The following GRIK1 variants were observed in gnomAD, a reference collection of about 807,000 sequenced individuals.
GRIK1 encodes the protein glutamate ionotropic receptor kainate type subunit 1.
A neutral mutation model predicts 105.7 loss-of-function variants in GRIK1; 69 were observed. The observed-to-expected ratio is 0.65, with a 90% CI of 0.54 to 0.80. GRIK1 has a LOEUF of 0.80. Among genes scored for constraint, GRIK1 ranks in the 30% least tolerant of loss-of-function variants. GRIK1 has a pLI of 0.00. For synonymous variants in GRIK1, 438 were observed against 431.3 expected (o/e 1.02, Z -0.19); for missense variants, 1,109 against 1,167.3 (o/e 0.95, Z 0.73).
intron 1 of GRIK1, among the ~76,000 whole-genome samples, chr21:29,754,906 G>T (rs777511931): frequency 6.6e-6 from 1 of 151,978 alleles, no homozygotes; most frequent in African/African-American, 2.4e-5. Context: ...GACTTATCTA[G>T]TCTCCACAGT....
rs555680418 is a variant in GRIK1 at position 29,791,227 on chromosome 21, T to A, written c.119-97164A>T. The stretch of plus-strand genomic sequence containing the variant: ...TAAGGGACGAGAAATTTATCCTCAG[T>A]GTGATGGAAAGCCAGACAAATCTGT... On this transcript the variant is annotated intron_variant, in intron 1 of 17. Coordinates refer to ENST00000327783, the MANE Select transcript of GRIK1 (RefSeq NM_001330994.2). Among the ~76,000 whole-genome samples the A allele has an allele frequency of 7.6e-4, 116 of 152,050 alleles. 1 individual carries two copies. In the Middle Eastern group the frequency reaches 0.01, roughly 13 times the overall value.
chr21:29,799,602 TC>T (rs1404032578), intron 1 of GRIK1, among the ~76,000 whole-genome samples: 1 of 152,244 alleles, frequency 6.6e-6, no homozygotes, highest in Non-Finnish European at 1.5e-5. Flanking sequence ...CAATCTTGCC[TC>T]AGTGCAACCT....
intron 1 of GRIK1, among the ~76,000 whole-genome samples, chr21:29,788,315 G>A (rs559963354): frequency 6.6e-6 from 1 of 152,298 alleles, no homozygotes; most frequent in Admixed American, 6.5e-5. Flanking sequence ...AAAGACATTT[G>A]CAGATACCCA....
chr21:29,679,442 C>G (rs2063331748), intron 3 of GRIK1, among the ~76,000 whole-genome samples: 1 of 152,090 alleles, frequency 6.6e-6, no homozygotes, highest in Admixed American at 6.6e-5. Flanking sequence ...TGTACTCATC[C>G]CGTCCTATCT....
chr21:29,663,493 G>T (rs1157227157), intron 4 of GRIK1, among the ~76,000 whole-genome samples: 1 of 152,128 alleles, frequency 6.6e-6, no homozygotes, highest in Non-Finnish European at 1.5e-5. Flanking sequence ...GACCTACCTT[G>T]ATCTCCTATT....
chr21:29,665,905 C>A (rs1472426722), intron 4 of GRIK1, among the ~76,000 whole-genome samples: 3 of 152,222 alleles, frequency 2.0e-5, no homozygotes, highest in East Asian at 1.9e-4. Context: ...AAAAAGAAAT[C>A]ATTCCAGTCA....
At chr21:29,761,494 TG>T (rs1569061295) in intron 1 of GRIK1, 1 of 152,166 alleles carries the variant, frequency 6.6e-6, no homozygotes, top group East Asian at 1.9e-4. Flanking sequence ...CGAATATTAC[TG>T]TATAACTTTC....
chr21:29,747,174 A>T (rs989204789), intron 1 of GRIK1, among the ~76,000 whole-genome samples: 2 of 152,248 alleles, frequency 1.3e-5, no homozygotes, highest in Non-Finnish European at 2.9e-5. Context: ...GGACTGCAAG[A>T]CTTGATTGTA....
intron 1 of GRIK1, among the ~76,000 whole-genome samples, chr21:29,794,201 A>G (rs1345788166): frequency 6.6e-6 from 1 of 152,168 alleles, no homozygotes; most frequent in Non-Finnish European, 1.5e-5. Flanking sequence ...TTTCATAATG[A>G]TCAAATGAAA....
intron 1 of GRIK1, among the ~76,000 whole-genome samples, chr21:29,747,181 T>A (rs1288421812): frequency 6.6e-6 from 1 of 152,202 alleles, no homozygotes; most frequent in Admixed American, 6.5e-5. Context: ...AAGACTTGAT[T>A]GTAACCTGCC....
chr21:29,622,831 C>A (rs184914137), intron 7 of GRIK1, among the ~76,000 whole-genome samples: 1 of 152,180 alleles, frequency 6.6e-6, no homozygotes, highest in Non-Finnish European at 1.5e-5. Context: ...TCTAGGGAAA[C>A]TGACCTCTAC....
intron 1 of GRIK1, among the ~76,000 whole-genome samples, chr21:29,883,893 G>C (rs2069514709): frequency 6.6e-6 from 1 of 151,898 alleles, no homozygotes; most frequent in Non-Finnish European, 1.5e-5. Context: ...ATACCTAAGA[G>C]AAAACCAATC....
At position 29,666,212 on chromosome 21, in the gene GRIK1, T is replaced by A. The variant is rs572839011; in HGVS notation, c.726+6771A>T. 2.0e-4 allele frequency among the ~76,000 whole-genome samples: 31 copies of A among 152,210 alleles called. 1 individual carries two copies. Among genetic ancestry groups the A allele is most frequent in the Non-Finnish European group, 1.9e-4 (13 of 68,032 alleles). On this transcript the variant is annotated intron_variant, in intron 4 of 17. Coordinates refer to ENST00000327783, the MANE Select transcript of GRIK1 (RefSeq NM_001330994.2). ...TGAGGTCGGGAGTTTGAGACCAGCC[T>A]GACCAACATAGAGAAACCCCATCTC...
chr21:29,645,333 G>C (rs1350494391), intron 6 of GRIK1, among the ~76,000 whole-genome samples: 7 of 152,180 alleles, frequency 4.6e-5, no homozygotes, highest in Non-Finnish European at 8.8e-5. Flanking sequence ...GACTTGGACT[G>C]TTTCTTATCA....
At chr21:29,883,698 T>C (rs1057495805) in intron 1 of GRIK1, among the ~76,000 whole-genome samples, 1 of 152,024 alleles carries the variant, frequency 6.6e-6, no homozygotes, top group Non-Finnish European at 1.5e-5. Flanking sequence ...TGAATGGGAA[T>C]GGAAAGACTG....
intron 1 of GRIK1, among the ~76,000 whole-genome samples, chr21:29,701,097 T>C (rs778545120): frequency 1.3e-5 from 2 of 152,230 alleles, no homozygotes; most frequent in Non-Finnish European, 2.9e-5. Context: ...ATTATGTCCA[T>C]GATTCTACTG....
chr21:29,888,379 C>G (rs922001153), intron 1 of GRIK1, among the ~76,000 whole-genome samples: 4 of 150,546 alleles, frequency 2.7e-5, no homozygotes, highest in African/African-American at 9.8e-5. Context: ...ATCCTCACCC[C>G]TAGGCCTCCT....
At chr21:29,701,319 A>G (rs2146768861) in intron 1 of GRIK1, among the ~76,000 whole-genome samples, 1 of 152,290 alleles carries the variant, frequency 6.6e-6, no homozygotes, top group East Asian at 1.9e-4. Context: ...GCTTACTGGG[A>G]GGGCACTTTT....
chr21:29,890,043 C>G (rs1316038025), intron 1 of GRIK1, among the ~76,000 whole-genome samples: 2 of 152,068 alleles, frequency 1.3e-5, no homozygotes, highest in East Asian at 3.9e-4. Flanking sequence ...CAAGATTTAT[C>G]TGTCATTTGA....
Sources: gnomAD v4.1 joint callset for allele counts (sites outside exome capture counted in the v4.1 genomes callset) on GRCh38, gnomAD v4.1.1 for gene constraint, MANE v1.5 for transcripts, NCBI Gene and HGNC (gene_info 2026-07-23, HGNC 2026-07-21) for gene names.